Variants in TMEM132C observed in about 807,000 individuals in gnomAD.
The protein encoded by TMEM132C is transmembrane protein 132C.
Under a neutral mutation model 61.4 loss-of-function variants are expected in TMEM132C, and 29 were observed. The ratio of observed to expected loss-of-function variants is 0.47; its 90% CI spans 0.35 to 0.64. The LOEUF (loss-of-function observed/expected upper bound fraction) is 0.64. TMEM132C is among the 30% of genes least tolerant of loss of function. The pLI is 0.00. For synonymous variants in TMEM132C, 656 were observed against 633.1 expected, an observed-to-expected ratio of 1.04 and a Z score of -0.54; for missense variants, 1,408 against 1,476.9, an observed-to-expected ratio of 0.95 and a Z score of 0.76.
At chr12:128,342,584 T>TTTATTCTG (rs76411376) in intron 1 of TMEM132C, among the ~76,000 whole-genome samples, 132,495 of 151,762 alleles carry the variant, frequency 0.87, 58,840 homozygotes, top group East Asian at 0.96. Flanking sequence ...CCTCCCTCCT[T>TTTATTCTG]TTCTTCTGTT....
intron 4 of TMEM132C, among the ~76,000 whole-genome samples, chr12:128,626,438 CATTTTT>C (rs71069585): frequency 8.8e-6 from 1 of 113,830 alleles, no homozygotes; most frequent in South Asian, 2.3e-4. Context: ...CTGTGCTGAA[CATTTTT>C]ATTTTTATTT....
chr12:128,462,041 C>T (rs945270218), intron 2 of TMEM132C, among the ~76,000 whole-genome samples: 1 of 152,172 alleles, frequency 6.6e-6, no homozygotes, highest in Non-Finnish European at 1.5e-5. Flanking sequence ...GAAATCCAGC[C>T]TCCTTGGAGC....
intron 1 of TMEM132C, among the ~76,000 whole-genome samples, chr12:128,394,263 C>G (rs766729156): frequency 6.6e-6 from 1 of 152,164 alleles, no homozygotes; most frequent in Non-Finnish European, 1.5e-5. Flanking sequence ...CCCCCAACAA[C>G]ATATGGAAAT....
At chr12:128,413,523 C>T (rs1868644229) in intron 1 of TMEM132C, among the ~76,000 whole-genome samples, 1 of 151,804 alleles carries the variant, frequency 6.6e-6, no homozygotes, top group African/African-American at 2.4e-5. Context: ...GACTTCCCAA[C>T]ATTGTGTGTT....
intron 1 of TMEM132C, among the ~76,000 whole-genome samples, chr12:128,296,454 A>AT (rs1431497005): frequency 6.6e-6 from 1 of 152,158 alleles, no homozygotes; most frequent in African/African-American, 2.4e-5. Context: ...TGACACTGGT[A>AT]TTTAGGGTAC....
At chr12:128,446,498 T>G (rs1027395485) in intron 2 of TMEM132C, among the ~76,000 whole-genome samples, 2 of 152,250 alleles carry the variant, frequency 1.3e-5, no homozygotes, top group African/African-American at 4.8e-5. Flanking sequence ...GAGTTGTCCA[T>G]TCTCCCTTTT....
chr12:128,441,633 C>T (rs1869790341), intron 2 of TMEM132C, among the ~76,000 whole-genome samples: 1 of 152,146 alleles, frequency 6.6e-6, no homozygotes, highest in South Asian at 2.1e-4. Flanking sequence ...GTCTGTGAAA[C>T]ACTAGACATT....
chr12:128,703,242 C>T (rs1283199456), intron 8 of TMEM132C, among the ~76,000 whole-genome samples: 3 of 152,028 alleles, frequency 2.0e-5, no homozygotes, highest in Non-Finnish European at 4.4e-5. Flanking sequence ...TATTTCATGA[C>T]CCAGGTATTA....
chr12:128,428,315 C>T (rs2136035584), intron 2 of TMEM132C, among the ~76,000 whole-genome samples: 1 of 152,252 alleles, frequency 6.6e-6, no homozygotes, highest in East Asian at 1.9e-4. Flanking sequence ...ACTCAGTCTC[C>T]CTCACTTATT....
At chr12:128,426,967 G>T (rs1869206893) in intron 2 of TMEM132C, among the ~76,000 whole-genome samples, 1 of 152,132 alleles carries the variant, frequency 6.6e-6, no homozygotes, top group Admixed American at 6.6e-5. Flanking sequence ...TGAATTAGTG[G>T]ACCTGTGACA....
intron 4 of TMEM132C, among the ~76,000 whole-genome samples, chr12:128,665,686 C>T (rs577449143): frequency 6.7e-6 from 1 of 149,232 alleles, no homozygotes; most frequent in African/African-American, 2.5e-5. Flanking sequence ...TACACACATA[C>T]ACATACAGGC....
intron 1 of TMEM132C, among the ~76,000 whole-genome samples, chr12:128,402,219 G>T (rs1565925369): frequency 2.0e-5 from 3 of 152,124 alleles, no homozygotes; most frequent in African/African-American, 7.2e-5. Context: ...ACACTTCAGG[G>T]TTTTTTTGTT....
chr12:128,489,215 G>C (rs988504628), intron 2 of TMEM132C, among the ~76,000 whole-genome samples: 1 of 152,050 alleles, frequency 6.6e-6, no homozygotes, highest in Admixed American at 6.6e-5. Flanking sequence ...CCTGCTAGAC[G>C]AGGGTGGAAG....
rs1870769295 is a variant in TMEM132C at position 128,278,620 on chromosome 12, C to T, written c.85+11133C>T. 6.6e-6 allele frequency among the ~76,000 whole-genome samples: 1 copy of T among 152,166 alleles called. No individual in the cohort carries two copies. Among genetic ancestry groups the T allele is most frequent in the Admixed American group, 6.5e-5 (1 of 15,278 alleles). On this transcript the variant is annotated intron_variant, in intron 1 of 8. Transcript: ENST00000435159. This position sits in a 1 kb window ranked among gnomAD's most constrained non-coding sequence, Gnocchi z 4.2. ...GGGTCCCCTCTACCATTCACAGAGGCAAGAAGCCTACAAACATCAGCTTTT... is the reference window on the plus strand; with the variant it reads ...GGGTCCCCTCTACCATTCACAGAGGTAAGAAGCCTACAAACATCAGCTTTT...
chr12:128,383,014 G>T (rs569958679), intron 1 of TMEM132C, among the ~76,000 whole-genome samples: 15 of 152,118 alleles, frequency 9.9e-5, no homozygotes, highest in African/African-American at 3.4e-4. Context: ...GTGCGTCTGT[G>T]TATCTGTGTG....
At chr12:128,448,815 G>T (rs1034584633) in intron 2 of TMEM132C, among the ~76,000 whole-genome samples, 1 of 152,088 alleles carries the variant, frequency 6.6e-6, no homozygotes, top group African/African-American at 2.4e-5. Context: ...TATTAACTTT[G>T]CTTAGCACAT....
intron 1 of TMEM132C, among the ~76,000 whole-genome samples, chr12:128,332,717 G>A (rs1872693082): frequency 6.6e-6 from 1 of 152,242 alleles, no homozygotes; most frequent in South Asian, 2.1e-4. Flanking sequence ...GGCCTCCCCT[G>A]GTGTGTCCAC....
intron 4 of TMEM132C, among the ~76,000 whole-genome samples, chr12:128,664,226 T>A (rs532175106): frequency 0.062 from 9,431 of 151,854 alleles, 863 homozygotes; most frequent in African/African-American, 0.2. Context: ...CTGTGTGTGT[T>A]CCATGAAGTC....
At chr12:128,456,945 G>A (rs1165002765) in intron 2 of TMEM132C, among the ~76,000 whole-genome samples, 6 of 152,116 alleles carry the variant, frequency 3.9e-5, no homozygotes, top group South Asian at 2.1e-4. Flanking sequence ...CCTTAGCTCC[G>A]CGTGTTTTGG....
Sources: gnomAD v4.1 joint callset for allele counts (sites outside exome capture counted in the v4.1 genomes callset) on GRCh38, gnomAD v4.1.1 for gene constraint, Gnocchi (gnomAD v3.1) non-coding constraint, MANE v1.5 for transcripts, NCBI Gene and HGNC (gene_info 2026-07-23, HGNC 2026-07-21) for gene names.